Variants in OTOGL observed in about 807,000 individuals in gnomAD.
OTOGL encodes the protein otogelin like.
A neutral mutation model predicts 318.5 loss-of-function variants in OTOGL; 285 were observed. The ratio of observed to expected loss-of-function variants is 0.89; its 90% confidence interval spans 0.81 to 0.99. The LOEUF (loss-of-function observed/expected upper bound fraction) is 0.99, where lower values mean the gene tolerates loss of function less well. OTOGL is among the 50% of genes least tolerant of loss of function. OTOGL has a pLI of 0.00. For synonymous variants in OTOGL, 987 were observed against 936.5 expected (o/e 1.05, Z -0.99); for missense variants, 2,899 against 2,845.6 (o/e 1.02, Z -0.43).
At chr12:80,167,262 T>G (rs1260522005) in intron 1 of OTOGL, among the ~76,000 whole-genome samples, 1 of 152,036 alleles carries the variant, frequency 6.6e-6, no homozygotes, top group Non-Finnish European at 1.5e-5. Flanking sequence ...GTGGGAGTGG[T>G]GGGGAGGTGG....
At position 80,377,205 on chromosome 12, in the gene OTOGL, A is replaced by G. The variant is rs1272155908; in HGVS notation, c.6861+3A>G. On this transcript the variant is annotated splice_donor_region_variant and intron_variant, in intron 58 of 58. Transcript: ENST00000547103. Reference sequence around the variant, plus strand: ...AGGACTGTATGAGCCAAAGCCCTGTAAGTGGAAAAATGTCATTTGCTACAT... The same window carrying G: ...AGGACTGTATGAGCCAAAGCCCTGTGAGTGGAAAAATGTCATTTGCTACAT... 1.3e-6 allele frequency: 2 copies of G among 1,589,942 alleles called. No individual in the cohort carries two copies. Among genetic ancestry groups the G allele is most frequent in the Non-Finnish European group, 1.7e-6 (2 of 1,163,824 alleles).
chr12:80,309,462 G>A (rs1174096731), intron 29 of OTOGL, among the ~76,000 whole-genome samples: 1 of 152,168 alleles, frequency 6.6e-6, no homozygotes, highest in African/African-American at 2.4e-5. Context: ...TCAAGAGGCT[G>A]GAGAGAGTGT....
At chr12:80,110,848 A>G (rs564064662) in intron 1 of OTOGL, among the ~76,000 whole-genome samples, 5 of 152,298 alleles carry the variant, frequency 3.3e-5, no homozygotes, top group Admixed American at 1.3e-4. Context: ...ACAATGGTTG[A>G]ACTAATTTAC....
At chr12:80,228,255 A>G (rs370443054) in intron 7 of OTOGL, among the ~76,000 whole-genome samples, 1 of 152,114 alleles carries the variant, frequency 6.6e-6, no homozygotes, top group Non-Finnish European at 1.5e-5. Context: ...AGCCTGGCTA[A>G]CATAGTGAAA....
chr12:80,227,343 C>T (rs901863131), intron 7 of OTOGL, among the ~76,000 whole-genome samples: 3 of 152,186 alleles, frequency 2.0e-5, no homozygotes, highest in African/African-American at 7.2e-5. Context: ...ATTTTTCTCT[C>T]AGAAGATATC....
rs192336729 is a variant in OTOGL at position 80,226,943 on chromosome 12, A to G, written c.490-2314A>G. 4.0e-3 allele frequency among the ~76,000 whole-genome samples: 602 copies of G among 152,256 alleles called. 5 individuals are homozygous for G. The highest frequency in any genetic ancestry group is 0.012 in the South Asian group (60 of 4,826). On this transcript the variant is annotated intron_variant, in intron 7 of 58. Transcript: ENST00000547103. ...AAATTTCAATTCACTCTCATTTCTGATCATTTTACATATAACCTTACTCAA... is the reference window on the plus strand; with the variant it reads ...AAATTTCAATTCACTCTCATTTCTGGTCATTTTACATATAACCTTACTCAA...
In OTOGL at chr12:80,279,057, C is replaced by T. The variant is rs780368005; in HGVS notation, c.2819C>T (p.Thr940Ile). The T allele has an allele frequency of 1.9e-6, 3 of 1,573,988 alleles. No homozygotes were observed. The highest frequency in any genetic ancestry group is 1.7e-5 in the Admixed American group (1 of 58,918). Residue 940 changes from threonine (T) to isoleucine (I), a missense_variant, in exon 26 of 59, where the codon ACA (threonine) becomes ATA (isoleucine). Around this residue, in one of 3 missense-constraint regions of OTOGL, gnomAD observed 2,607 missense variants for 2,524.9 expected, o/e 1.03. Coordinates refer to ENST00000547103, the MANE Select transcript of OTOGL (RefSeq NM_001378609.3). The part of the protein sequence containing the change: ...CVCRRGMFNC[T>I]YYPCPAVCTI... ...TGTCGACGAGGAATGTTCAATTGCA[C>T]ATATTATCCATGCCCAGCAGTGTGC...
rs1182374794 is a variant in OTOGL, at chr12:80,358,694, A to G, written c.6145A>G (p.Met2049Val). 11 of 1,612,694 alleles carry G rather than the reference A, an allele frequency of 6.8e-6. No individual in the cohort carries two copies. The highest frequency in any genetic ancestry group is 4.0e-5 in the African/African-American group (3 of 74,900). The change falls in exon 51 of 59, where the codon ATG becomes GTG. Residue 2049 changes from methionine to valine, a missense_variant. Physicochemically the swap from Met to Val is conservative, Grantham distance 21. Transcript: ENST00000547103. ...YCVCEPNLCP[M>V]PLLNCAEDMN... ...AGTATGTGAACCAAACCTTTGTCCT[A>G]TGCCATTACTCAACTGTGCAGAAGA...
chr12:80,117,150 AG>A (rs1335870357), intron 1 of OTOGL, among the ~76,000 whole-genome samples: 1 of 152,140 alleles, frequency 6.6e-6, no homozygotes, highest in Non-Finnish European at 1.5e-5. Flanking sequence ...CTGGAGTATC[AG>A]GGGTGTCATG....
chr12:80,125,587 T>C (rs541056666), intron 1 of OTOGL, among the ~76,000 whole-genome samples: 4 of 152,210 alleles, frequency 2.6e-5, no homozygotes, highest in African/African-American at 4.8e-5. Flanking sequence ...CTTTTTCTAT[T>C]GTTTGGAATA....
intron 26 of OTOGL, among the ~76,000 whole-genome samples, chr12:80,287,671 G>T (rs1185438092): frequency 6.6e-6 from 1 of 151,712 alleles, no homozygotes; most frequent in Non-Finnish European, 1.5e-5. Context: ...TGTCTTTTTT[G>T]ATCTTTGTTG....
intron 1 of OTOGL, among the ~76,000 whole-genome samples, chr12:80,128,748 C>T (rs970617252): frequency 3.3e-5 from 5 of 152,154 alleles, no homozygotes; most frequent in South Asian, 2.1e-4. Flanking sequence ...GTCGGGCACC[C>T]GTCCCCCAGC....
intron 1 of OTOGL, among the ~76,000 whole-genome samples, chr12:80,126,673 C>G (rs553594839): frequency 1.3e-5 from 2 of 152,306 alleles, no homozygotes; most frequent in African/African-American, 4.8e-5. Flanking sequence ...GTGTGGGAGT[C>G]TAAGCCTCTT....
At chr12:80,128,809 G>T (rs112400121) in intron 1 of OTOGL, among the ~76,000 whole-genome samples, 1 of 152,202 alleles carries the variant, frequency 6.6e-6, no homozygotes, top group Non-Finnish European at 1.5e-5. Context: ...AGCAATGAGC[G>T]AGGCTTCGTA....
At chr12:80,266,173 A>G (rs1014530185) in intron 20 of OTOGL, 9 of 347,860 alleles carry the variant, frequency 2.6e-5, no homozygotes, top group Admixed American at 4.3e-5. Flanking sequence ...TTGTCACTCA[A>G]TTCAACATAT....
chr12:80,338,084 T>C lies in OTOGL; in HGVS notation c.4861-991T>C, dbSNP rs554349799. Among the ~76,000 whole-genome samples, 3 of 152,170 alleles carry C rather than the reference T, an allele frequency of 2.0e-5. No individual in the cohort carries two copies. The South Asian group carries it at 6.2e-4, about 32-fold the overall frequency. ...CAAGTTATTTTGTAAAATGACTTAG[T>C]GAGAGTTTAACATGATAAAACAACA... On this transcript the variant is annotated intron_variant, in intron 42 of 58. Transcript: ENST00000547103.
chr12:80,308,182 C>A (rs543529591), intron 29 of OTOGL, among the ~76,000 whole-genome samples: 10 of 150,012 alleles, frequency 6.7e-5, no homozygotes, highest in Non-Finnish European at 1.3e-4. Context: ...AGGTGGCTGC[C>A]GGGCGGAGAC....
chr12:80,128,957 G>A (rs985485060), intron 1 of OTOGL, among the ~76,000 whole-genome samples: 6 of 152,302 alleles, frequency 3.9e-5, no homozygotes, highest in Admixed American at 2.6e-4. Context: ...CCTTGGCTAG[G>A]AAAGGGAATT....
intron 11 of OTOGL, among the ~76,000 whole-genome samples, chr12:80,242,711 G>C (rs1393186600): frequency 1.3e-5 from 2 of 152,074 alleles, no homozygotes; most frequent in African/African-American, 4.8e-5. Context: ...ACTCCTTGGA[G>C]AAAGAGAAAA....
Sources: gnomAD v4.1 joint callset for allele counts (sites outside exome capture counted in the v4.1 genomes callset) on GRCh38, gnomAD v4.1.1 for gene constraint, gnomAD v4.1.1 regional missense constraint, MANE v1.5 for transcripts, NCBI Gene and HGNC (gene_info 2026-07-23, HGNC 2026-07-21) for gene names.